PARD3B: variants seen among roughly 807,000 people sequenced by gnomAD.
The protein encoded by PARD3B is par-3 family cell polarity regulator beta.
A neutral mutation model predicts 130.2 loss-of-function variants in PARD3B; 103 were observed. That is an observed-to-expected ratio of 0.79 (90% CI 0.67 to 0.93). The LOEUF (loss-of-function observed/expected upper bound fraction) is 0.93. PARD3B is among the 40% of genes least tolerant of loss of function. The probability of loss-of-function intolerance (pLI) is 0.00; values close to 1 mark genes in which losing one functional copy is unlikely to be tolerated. For synonymous variants in PARD3B, 583 were observed against 553.2 expected, an observed-to-expected ratio of 1.05 and a Z score of -0.76; for missense variants, 1,609 against 1,499.2, an observed-to-expected ratio of 1.07 and a Z score of -1.21.
chr2:205,055,960 G>C (rs188668750), intron 4 of PARD3B, among the ~76,000 whole-genome samples: 254 of 152,194 alleles, frequency 1.7e-3, no homozygotes, highest in African/African-American at 5.9e-3. Context: ...TAAATTTGAA[G>C]GCTAAAGTAC....
intron 20 of PARD3B, among the ~76,000 whole-genome samples, chr2:205,492,472 T>C (rs901529165): frequency 1.3e-5 from 2 of 152,128 alleles, no homozygotes; most frequent in Non-Finnish European, 2.9e-5. Flanking sequence ...GTCTTGTTAT[T>C]TGGGGGGAAT....
At chr2:204,680,474 T>G (rs2036773637) in intron 1 of PARD3B, among the ~76,000 whole-genome samples, 1 of 152,058 alleles carries the variant, frequency 6.6e-6, no homozygotes, top group Non-Finnish European at 1.5e-5. Flanking sequence ...CTGCTATGAA[T>G]TTACTAGTTT....
chr2:204,821,869 C>T (rs1479049659), intron 2 of PARD3B, among the ~76,000 whole-genome samples: 1 of 152,092 alleles, frequency 6.6e-6, no homozygotes, highest in African/African-American at 2.4e-5. Context: ...TCCATTAAAC[C>T]TCTTTTTCTT....
intron 2 of PARD3B, among the ~76,000 whole-genome samples, chr2:204,855,157 C>A (rs1012806746): frequency 6.6e-6 from 1 of 152,122 alleles, no homozygotes. Flanking sequence ...AAGCAGTTAT[C>A]CTGTCTCAGC....
At chr2:204,751,318 C>CA (rs1485210758) in intron 2 of PARD3B, among the ~76,000 whole-genome samples, 3 of 151,954 alleles carry the variant, frequency 2.0e-5, no homozygotes, top group African/African-American at 7.3e-5. Context: ...TAAAGAAAAA[C>CA]AAAAACAAAA....
In PARD3B at chr2:204,798,345, G is replaced by A. The variant is rs568993979; in HGVS notation, c.222+112063G>A. ...AATTCAGGTGGCACTCATGGAGGGA[G>A]CATTTAGACCAGCCCTGGCTGGTGG... On this transcript the variant is annotated intron_variant, in intron 2 of 22. Transcript: ENST00000406610. 3.3e-5 allele frequency among the ~76,000 whole-genome samples: 5 copies of A among 152,308 alleles called. No individual in the cohort carries two copies. In the South Asian group the frequency reaches 1.0e-3, roughly 32 times the overall value.
At chr2:204,547,696 T>G (rs1160770765) in intron 1 of PARD3B, among the ~76,000 whole-genome samples, 2 of 152,228 alleles carry the variant, frequency 1.3e-5, no homozygotes, top group Non-Finnish European at 2.9e-5. Context: ...TTGAAGTTAC[T>G]TTTTAACTAT....
intron 2 of PARD3B, among the ~76,000 whole-genome samples, chr2:204,833,958 A>G (rs1315783333): frequency 6.6e-6 from 1 of 152,032 alleles, no homozygotes; most frequent in Non-Finnish European, 1.5e-5. Context: ...CCATGCCACA[A>G]TCGCAGAAGC....
At chr2:205,487,997 A>C (rs1373441924) in intron 20 of PARD3B, among the ~76,000 whole-genome samples, 3 of 152,218 alleles carry the variant, frequency 2.0e-5, no homozygotes, top group Non-Finnish European at 4.4e-5. Flanking sequence ...AACGATAATT[A>C]AAATAATACA....
chr2:205,471,023 G>T (rs1205685387), intron 20 of PARD3B, among the ~76,000 whole-genome samples: 1 of 152,182 alleles, frequency 6.6e-6, no homozygotes, highest in African/African-American at 2.4e-5. Context: ...TTGACAAGTT[G>T]CAAGTTGTGA....
chr2:205,153,138 T>A (rs1328790482), intron 10 of PARD3B, among the ~76,000 whole-genome samples: 1 of 152,182 alleles, frequency 6.6e-6, no homozygotes, highest in Non-Finnish European at 1.5e-5. Context: ...TGCCTGATCC[T>A]TCCTCTGGAA....
chr2:205,238,553 T>G lies in PARD3B; in HGVS notation c.2141-7225T>G, dbSNP rs543826738. ...ACAATAATAAAAAATATTTCTGGGC[T>G]GGGTGCGGTGGCTTACGCCTGTAAT... On this transcript the variant is annotated intron_variant, in intron 15 of 22. Coordinates refer to ENST00000406610, the MANE Select transcript of PARD3B (RefSeq NM_001302769.2). Among the ~76,000 whole-genome samples, 80 of 152,140 alleles carry G rather than the reference T, an allele frequency of 5.3e-4. 1 individual carries two copies. The highest frequency in any genetic ancestry group is 1.9e-3 in the African/African-American group (79 of 41,540).
At chr2:204,983,971 A>T (rs563974721) in intron 3 of PARD3B, among the ~76,000 whole-genome samples, 3 of 151,618 alleles carry the variant, frequency 2.0e-5, no homozygotes, top group Non-Finnish European at 2.9e-5. Context: ...CTCTGTATGG[A>T]CCTTCCTTGT....
At chr2:204,692,654 T>C (rs1208538175) in intron 2 of PARD3B, among the ~76,000 whole-genome samples, 1 of 152,000 alleles carries the variant, frequency 6.6e-6, no homozygotes, top group African/African-American at 2.4e-5. Context: ...CTTCAAAAAG[T>C]CTTACTTTGG....
chr2:204,861,120 T>A (rs1364915015), intron 2 of PARD3B, among the ~76,000 whole-genome samples: 2 of 151,488 alleles, frequency 1.3e-5, no homozygotes, highest in African/African-American at 4.8e-5. Flanking sequence ...GCTGCTACAA[T>A]TTTTCATTTG....
intron 1 of PARD3B, among the ~76,000 whole-genome samples, chr2:204,564,503 TTATATC>T (rs200505147): frequency 0.01 from 1,572 of 152,280 alleles, 27 homozygotes; most frequent in African/African-American, 0.036. Context: ...TTCATGTGCG[TTATATC>T]TATATTTATC....
chr2:204,553,606 A>ATATATGTATG (rs2030646620), intron 1 of PARD3B, among the ~76,000 whole-genome samples: 1 of 139,610 alleles, frequency 7.2e-6, no homozygotes, highest in African/African-American at 2.7e-5. Context: ...ATATATGTAT[A>ATATATGTATG]TATATGGCTA....
intron 10 of PARD3B, among the ~76,000 whole-genome samples, chr2:205,140,260 A>G (rs1354444032): frequency 1.3e-5 from 2 of 152,146 alleles, no homozygotes; most frequent in Admixed American, 6.5e-5. Context: ...TATGAACAAT[A>G]AGGATGTATA....
At chr2:205,362,752 G>A (rs2044438218) in intron 18 of PARD3B, among the ~76,000 whole-genome samples, 1 of 152,126 alleles carries the variant, frequency 6.6e-6, no homozygotes, top group African/African-American at 2.4e-5. Flanking sequence ...ATTGCATTTT[G>A]GCAATGAGAA....
Sources: gnomAD v4.1 joint callset for allele counts (sites outside exome capture counted in the v4.1 genomes callset) on GRCh38, gnomAD v4.1.1 for gene constraint, MANE v1.5 for transcripts, NCBI Gene and HGNC (gene_info 2026-07-23, HGNC 2026-07-21) for gene names.